AKAP6: variants seen among roughly 807,000 people sequenced by gnomAD.
The protein encoded by AKAP6 is A-kinase anchoring protein 6.
Under a neutral mutation model 188.5 loss-of-function variants are expected in AKAP6, and 58 were observed. The ratio of observed to expected loss-of-function variants is 0.31; its 90% confidence interval spans 0.25 to 0.38. AKAP6 has a LOEUF of 0.38. Ranked by LOEUF, AKAP6 falls within the 10% of genes least tolerant of loss-of-function variation. AKAP6 has a pLI of 1.00. For missense variants in AKAP6, 2,710 were observed against 2,740.0 expected, an observed-to-expected ratio of 0.99 and a Z score of 0.24; for synonymous variants, 989 against 998.6, an observed-to-expected ratio of 0.99 and a Z score of 0.18.
At chr14:32,383,396 A>T (rs1888433434) in intron 1 of AKAP6, among the ~76,000 whole-genome samples, 1 of 152,144 alleles carries the variant, frequency 6.6e-6, no homozygotes, top group African/African-American at 2.4e-5. Flanking sequence ...TGGGTGAATT[A>T]TCTTTCAAAG....
rs1184892796 is a variant in AKAP6 at position 32,514,759 on chromosome 14, G to A, written c.325-20795G>A. 2.6e-5 allele frequency among the ~76,000 whole-genome samples: 4 copies of A among 152,326 alleles called. No individual in the cohort carries two copies. The South Asian group carries it at 6.2e-4, about 24-fold the overall frequency. On this transcript the variant is annotated intron_variant, in intron 2 of 13. Transcript: ENST00000280979. ...ACAGGTGGTATAGGGAGTTGAAAAT[G>A]AGACTCAAAGGAATCTGTGTATACC...
intron 7 of AKAP6, among the ~76,000 whole-genome samples, chr14:32,653,141 G>C (rs1377626848): frequency 6.6e-6 from 1 of 152,186 alleles, no homozygotes; most frequent in Non-Finnish European, 1.5e-5. Context: ...GTGTGGAAGA[G>C]TCACTCAATT....
intron 1 of AKAP6, among the ~76,000 whole-genome samples, chr14:32,411,959 A>G (rs1457764345): frequency 2.6e-5 from 1 of 38,878 alleles, no homozygotes; most frequent in Non-Finnish European, 6.1e-5. Context: ...AGCTAATACC[A>G]GGAAATGGCT....
At chr14:32,466,751 A>AAG (rs1462935232) in intron 2 of AKAP6, among the ~76,000 whole-genome samples, 1 of 148,952 alleles carries the variant, frequency 6.7e-6, no homozygotes, top group African/African-American at 2.5e-5. Context: ...AAAAAAAAAA[A>AAG]AAAGAGATAT....
intron 4 of AKAP6, among the ~76,000 whole-genome samples, chr14:32,567,974 G>A (rs1046822711): frequency 3.9e-5 from 6 of 151,982 alleles, no homozygotes; most frequent in Non-Finnish European, 7.4e-5. Flanking sequence ...GCAGAGGAGT[G>A]GGGAACAAAG....
Position 32,834,420 on chromosome 14 carries a change from C to T in AKAP6, c.*4615C>T, listed in dbSNP as rs1436698556. ...AAATGTAATATTAATACAATAATAC[C>T]TGATAGTTTATATTCAAGTTTCTCT... is the stretch of plus-strand genomic sequence containing the variant. On this transcript the variant is annotated 3_prime_UTR_variant, in exon 14 of 14. Transcript: ENST00000280979. The T allele has an allele frequency of 6.6e-6, 1 of 151,754 alleles. No homozygotes were observed. The highest frequency in any genetic ancestry group is 1.5e-5 in the Non-Finnish European group (1 of 67,986). The allele number at this position is 151,754 out of a possible 1,614,324, so 9.4% of individuals were successfully genotyped here.
At chr14:32,368,060 A>G (rs1018178486) in intron 1 of AKAP6, among the ~76,000 whole-genome samples, 3 of 152,096 alleles carry the variant, frequency 2.0e-5, no homozygotes, top group Non-Finnish European at 4.4e-5. Context: ...TCTTTTTTCT[A>G]GAAATTTGAA....
intron 1 of AKAP6, among the ~76,000 whole-genome samples, chr14:32,406,347 T>C (rs1383590091): frequency 1.3e-5 from 2 of 152,060 alleles, no homozygotes; most frequent in African/African-American, 2.4e-5. Flanking sequence ...GTAGCTGGGA[T>C]TACAGGCATG....
chr14:32,516,443 A>C (rs1881524638), intron 2 of AKAP6, among the ~76,000 whole-genome samples: 1 of 152,212 alleles, frequency 6.6e-6, no homozygotes, highest in Non-Finnish European at 1.5e-5. Context: ...CCAGATAAAG[A>C]CAAATCAGAG....
chr14:32,397,457 A>T (rs1040584489), intron 1 of AKAP6, among the ~76,000 whole-genome samples: 2 of 147,872 alleles, frequency 1.4e-5, no homozygotes, highest in Non-Finnish European at 3.0e-5. Context: ...AGCTCACTGC[A>T]GTCTCTGCCT....
chr14:32,683,185 G>T (rs1372403843), intron 8 of AKAP6, among the ~76,000 whole-genome samples: 1 of 151,866 alleles, frequency 6.6e-6, no homozygotes, highest in Non-Finnish European at 1.5e-5. Context: ...GTAGAGACGG[G>T]GTTTCGTCAT....
chr14:32,533,158 A>G (rs767143660), intron 2 of AKAP6, among the ~76,000 whole-genome samples: 1 of 152,198 alleles, frequency 6.6e-6, no homozygotes, highest in Non-Finnish European at 1.5e-5. Flanking sequence ...CAATACTGAC[A>G]TTACCAAAGA....
intron 4 of AKAP6, among the ~76,000 whole-genome samples, chr14:32,560,566 C>A (rs1473988237): frequency 6.6e-6 from 1 of 152,052 alleles, no homozygotes; most frequent in Non-Finnish European, 1.5e-5. Flanking sequence ...GAAAATAGTT[C>A]TTTGTAATTT....
At chr14:32,602,232 G>A (rs1484776050) in intron 7 of AKAP6, among the ~76,000 whole-genome samples, 1 of 152,104 alleles carries the variant, frequency 6.6e-6, no homozygotes, top group African/African-American at 2.4e-5. Context: ...GATAAGAAAC[G>A]ACACAGTTAA....
intron 7 of AKAP6, among the ~76,000 whole-genome samples, chr14:32,667,806 CTTG>C (rs1384687153): frequency 6.6e-6 from 1 of 152,018 alleles, no homozygotes; most frequent in Non-Finnish European, 1.5e-5. Flanking sequence ...TAAAGTAATT[CTTG>C]TTGTTCCTGC....
chr14:32,730,916 G>T (rs759632859), intron 9 of AKAP6, among the ~76,000 whole-genome samples: 2 of 152,236 alleles, frequency 1.3e-5, no homozygotes, highest in Non-Finnish European at 2.9e-5. Context: ...TGTTTCCTAA[G>T]TGCTGGAGTA....
At chr14:32,753,466 G>A (rs2032214755) in intron 11 of AKAP6, among the ~76,000 whole-genome samples, 1 of 152,128 alleles carries the variant, frequency 6.6e-6, no homozygotes, top group Admixed American at 6.5e-5. Flanking sequence ...CTTCCATTCA[G>A]TAGGTTGTCT....
At chr14:32,418,593 A>T (rs916532240) in intron 1 of AKAP6, among the ~76,000 whole-genome samples, 12 of 151,996 alleles carry the variant, frequency 7.9e-5, no homozygotes, top group African/African-American at 1.7e-4. Flanking sequence ...CCTAAATTTT[A>T]AAAAAAATCT....
intron 9 of AKAP6, among the ~76,000 whole-genome samples, chr14:32,731,707 A>G (rs921063099): frequency 6.6e-6 from 1 of 152,078 alleles, no homozygotes; most frequent in South Asian, 2.1e-4. Context: ...CTAACTATGG[A>G]GTTATCCAAA....
Sources: gnomAD v4.1 joint callset for allele counts (sites outside exome capture counted in the v4.1 genomes callset) on GRCh38, gnomAD v4.1.1 for gene constraint, MANE v1.5 for transcripts, NCBI Gene and HGNC (gene_info 2026-07-23, HGNC 2026-07-21) for gene names.